Variants in ARHGAP32 observed in about 807,000 individuals in gnomAD.
The protein encoded by ARHGAP32 is rho GTPase-activating protein 32.
ARHGAP32 carries 51 observed loss-of-function variants against 186.5 expected under a neutral mutation model. The observed-to-expected ratio is 0.27, with a 90% CI of 0.22 to 0.35. The LOEUF (loss-of-function observed/expected upper bound fraction) is 0.35. Among genes scored for constraint, ARHGAP32 ranks in the 10% least tolerant of loss-of-function variants. The pLI is 1.00. For synonymous variants in ARHGAP32, 950 were observed against 964.3 expected (o/e 0.99, Z 0.27); for missense variants, 2,186 against 2,623.5 (o/e 0.83, Z 3.64).
At chr11:129,092,282 T>A (rs1941601062) in intron 6 of ARHGAP32, among the ~76,000 whole-genome samples, 2 of 151,958 alleles carry the variant, frequency 1.3e-5, no homozygotes, top group African/African-American at 4.8e-5. Flanking sequence ...AAAAGAACAT[T>A]TGCATTCTCG....
At chr11:129,225,438 C>T (rs932386173) in intron 1 of ARHGAP32, among the ~76,000 whole-genome samples, 6 of 152,110 alleles carry the variant, frequency 3.9e-5, no homozygotes, top group Non-Finnish European at 7.3e-5. Flanking sequence ...TACCAACACA[C>T]ACAAAGAGCC....
chr11:128,988,999 G>T (rs1945959205), intron 12 of ARHGAP32, among the ~76,000 whole-genome samples: 2 of 152,184 alleles, frequency 1.3e-5, no homozygotes, highest in Admixed American at 1.3e-4. Context: ...GAAAAGAAAT[G>T]CTTGGAAAAT....
intron 11 of ARHGAP32, among the ~76,000 whole-genome samples, chr11:129,036,486 G>A (rs1297421745): frequency 6.7e-6 from 1 of 149,234 alleles, no homozygotes; most frequent in Non-Finnish European, 1.5e-5. Flanking sequence ...CCAATTTATA[G>A]TACATCTGAG....
intron 11 of ARHGAP32, among the ~76,000 whole-genome samples, chr11:129,038,571 T>G (rs1293986479): frequency 6.6e-6 from 1 of 151,666 alleles, no homozygotes; most frequent in African/African-American, 2.4e-5. Flanking sequence ...AGAATTTGTA[T>G]CTAGAATATA....
At chr11:129,269,340 G>A (rs1945446142) in intron 1 of ARHGAP32, among the ~76,000 whole-genome samples, 2 of 152,116 alleles carry the variant, frequency 1.3e-5, no homozygotes, top group East Asian at 1.9e-4. Context: ...GACAAAATGG[G>A]ATGATATAAA....
intron 10 of ARHGAP32, among the ~76,000 whole-genome samples, chr11:129,060,800 C>T (rs1467935480): frequency 5.0e-5 from 7 of 139,458 alleles, no homozygotes; most frequent in African/African-American, 1.8e-4. Flanking sequence ...AAAATCAACA[C>T]TTATTGATTA....
At position 129,188,140 on chromosome 11, in the gene ARHGAP32, G is replaced by T. The variant is rs369103488; in HGVS notation, c.116+3943C>A. On this transcript the variant is annotated intron_variant, in intron 1 of 22. Coordinates refer to ENST00000682385, the MANE Select transcript of ARHGAP32 (RefSeq NM_001378024.1). ...CCAGCTAATTTTTGTATTTTTAGTA[G>T]AGACAGGGTTTCACCATGTTGGCCA... 1.2e-4 allele frequency among the ~76,000 whole-genome samples: 18 copies of T among 152,162 alleles called. No individual in the cohort carries two copies. In the East Asian group the frequency reaches 2.9e-3, roughly 25 times the overall value.
At chr11:129,275,391 C>A (rs2135733972) in intron 1 of ARHGAP32, among the ~76,000 whole-genome samples, 1 of 152,260 alleles carries the variant, frequency 6.6e-6, no homozygotes, top group South Asian at 2.1e-4. Context: ...CAAAGGAAAT[C>A]TCTGAGGTCC....
At chr11:129,061,370 T>C (rs1450503783) in intron 10 of ARHGAP32, among the ~76,000 whole-genome samples, 2 of 152,202 alleles carry the variant, frequency 1.3e-5, no homozygotes, top group African/African-American at 4.8e-5. Context: ...GCAAGAAATA[T>C]GTTCCAAGAC....
intron 5 of ARHGAP32, among the ~76,000 whole-genome samples, chr11:129,101,086 A>T (rs1941883710): frequency 6.6e-6 from 1 of 152,222 alleles, no homozygotes; most frequent in South Asian, 2.1e-4. Context: ...TCTGGATGTA[A>T]TACAGTTGGG....
chr11:128,985,952 AC>A, intron 15 of ARHGAP32, 50 bp downstream of exon 15: 1 of 1,397,534 alleles, frequency 7.2e-7, no homozygotes, highest in East Asian at 2.7e-5. Context: ...AAAAACGTTT[AC>A]AGGTCAACCG....
At chr11:128,986,394 T>C in intron 14 of ARHGAP32, 130 bp downstream of exon 14, 1 of 980,822 alleles carries the variant, frequency 1.0e-6, no homozygotes, top group Non-Finnish European at 1.5e-6. Context: ...TGGCAATATT[T>C]GTTTTTTTAA....
intron 11 of ARHGAP32, among the ~76,000 whole-genome samples, chr11:129,017,453 AAAAAAAAAAGAAAAAG>A (rs1938406468): frequency 6.6e-6 from 1 of 151,568 alleles, no homozygotes; most frequent in Admixed American, 6.6e-5. Context: ...GTCTCAAAAA[AAAAAAAAAAGAAAAAG>A]AAAAAAAAAG....
intron 21 of ARHGAP32, 107 bp downstream of exon 21, chr11:128,974,017 A>G (rs1440939707): frequency 1.5e-6 from 2 of 1,345,464 alleles, no homozygotes; most frequent in East Asian, 4.6e-5. Context: ...ATTCTCTTTG[A>G]TTAAAGGCTA....
intron 15 of ARHGAP32, among the ~76,000 whole-genome samples, chr11:128,983,343 T>C (rs1156568001): frequency 6.6e-6 from 1 of 152,110 alleles, no homozygotes; most frequent in Non-Finnish European, 1.5e-5. Flanking sequence ...GAGGCTGGCC[T>C]GGGTATGACA....
chr11:129,185,467 G>C (rs563923815), intron 1 of ARHGAP32, among the ~76,000 whole-genome samples: 2 of 152,146 alleles, frequency 1.3e-5, no homozygotes, highest in East Asian at 3.8e-4. Flanking sequence ...TGAGGGGAGA[G>C]GAGAGGGATA....
intron 11 of ARHGAP32, among the ~76,000 whole-genome samples, chr11:129,016,526 G>C (rs571858551): frequency 6.6e-6 from 1 of 152,034 alleles, no homozygotes; most frequent in Admixed American, 6.5e-5. Flanking sequence ...TCACTGAATT[G>C]TAAGACTGAT....
At position 128,971,087 on chromosome 11, in the gene ARHGAP32, T is replaced by C. The variant is rs765402730; in HGVS notation, c.4126A>G (p.Ile1376Val). The C allele has an allele frequency of 4.3e-6, 7 of 1,614,214 alleles. No homozygotes were observed. In the East Asian group the frequency reaches 8.9e-5, roughly 21 times the overall value. Residue 1376 changes from isoleucine to valine, a missense_variant, in exon 23 of 23, where the codon ATC (isoleucine) becomes GTC (valine). Ile to Val is a conservative substitution (Grantham distance 29). Transcript: ENST00000682385. ...GCAGCAGCAGCACCACTGTCACTGATGAAGGCAGACGCAGGGTCATCCATG... is the reference window on the plus strand; with the variant it reads ...GCAGCAGCAGCACCACTGTCACTGACGAAGGCAGACGCAGGGTCATCCATG... ...RAMDDPASAF[I>V]SDSGAAAAQC...
chr11:129,098,667 C>T (rs746605889), intron 5 of ARHGAP32, among the ~76,000 whole-genome samples: 6 of 152,230 alleles, frequency 3.9e-5, no homozygotes, highest in East Asian at 1.9e-4. Context: ...GATCCACCCG[C>T]CTCGGCCTCC....
Sources: allele counts gnomAD v4.1 joint callset (sites outside exome capture counted in the v4.1 genomes callset), GRCh38; gene constraint gnomAD v4.1.1; transcripts MANE v1.5; gene names NCBI Gene and HGNC (gene_info 2026-07-23, HGNC 2026-07-21).